KCNJ4: variants seen among roughly 807,000 people sequenced by gnomAD.
KCNJ4 encodes the protein inward rectifier potassium channel 4.
KCNJ4 carries 3 observed loss-of-function variants against 25.6 expected under a neutral mutation model. The observed-to-expected ratio is 0.12, with a 90% CI of 0.05 to 0.30. The LOEUF (loss-of-function observed/expected upper bound fraction) is 0.30. Ranked by LOEUF, KCNJ4 falls within the 10% of genes least tolerant of loss-of-function variation. KCNJ4 has a pLI of 1.00. For synonymous variants in KCNJ4, 257 were observed against 283.9 expected, an observed-to-expected ratio of 0.91 and a Z score of 0.95; for missense variants, 286 against 666.8, an observed-to-expected ratio of 0.43 and a Z score of 6.29.
In KCNJ4 at chr22:38,441,292, C is replaced by T. The variant is rs577366607; in HGVS notation, c.-39-13121G>A. Among the ~76,000 whole-genome samples the T allele has an allele frequency of 3.3e-5, 5 of 152,258 alleles. No individual in the cohort carries two copies. The East Asian group carries it at 9.6e-4, about 29-fold the overall frequency. ...CCAGCCAGAAAGGGGGAAATCTCCT[C>T]ATGGGCTGGGCAGAAAGGGAGGTGC... On this transcript the variant is annotated intron_variant, in intron 1 of 1. Coordinates refer to ENST00000303592, the MANE Select transcript of KCNJ4 (RefSeq NM_152868.3).
intron 1 of KCNJ4, among the ~76,000 whole-genome samples, chr22:38,451,949 A>G (rs754036811): frequency 2.6e-5 from 4 of 152,188 alleles, no homozygotes; most frequent in Non-Finnish European, 4.4e-5. Flanking sequence ...ACCCCTGCCC[A>G]GCATGCTGGA....
At position 38,427,578 on chromosome 22, in the gene KCNJ4, C is replaced by T. The variant is rs2093036687; in HGVS notation, c.555G>A (p.Leu185=). Residue 185 remains leucine, a synonymous_variant, in exon 2 of 2, where the codon TTG becomes TTA. Coordinates refer to ENST00000303592, the MANE Select transcript of KCNJ4 (RefSeq NM_152868.3). The part of the protein sequence containing the change: ...MARPKKRAQT[L]LFSHHAVISV... ...AAATGACCGCGTGGTGGCTGAACAGCAACGTCTGCGCCCGCTTCTTGGGCC... is the reference window on the plus strand; with the variant it reads ...AAATGACCGCGTGGTGGCTGAACAGTAACGTCTGCGCCCGCTTCTTGGGCC... 1 of 1,611,636 alleles carries T rather than the reference C, an allele frequency of 6.2e-7. No homozygotes were observed. Among genetic ancestry groups the T allele is most frequent in the South Asian group, 1.1e-5 (1 of 91,058 alleles).
chr22:38,432,652 A>G (rs2093053729), intron 1 of KCNJ4, among the ~76,000 whole-genome samples: 1 of 152,186 alleles, frequency 6.6e-6, no homozygotes, highest in African/African-American at 2.4e-5. Context: ...GCAGGCCACT[A>G]GCCCATGGCA....
intron 1 of KCNJ4, among the ~76,000 whole-genome samples, chr22:38,439,949 G>C (rs1347128380): frequency 6.6e-6 from 1 of 150,492 alleles, no homozygotes; most frequent in African/African-American, 2.4e-5. Context: ...AAATTAGCCG[G>C]GCATGGTGGC....
Position 38,427,390 on chromosome 22 carries a change from A to ATAGAACG in KCNJ4, c.742_743insCGTTCTA (p.Ile248ThrfsTer40). 1 of 1,613,954 alleles carries ATAGAACG rather than the reference A, an allele frequency of 6.2e-7. No homozygotes were observed. Among genetic ancestry groups the ATAGAACG allele is most frequent in the Non-Finnish European group, 8.5e-7 (1 of 1,180,004 alleles). On this transcript the variant is annotated frameshift_variant, in exon 2 of 2. Coordinates refer to ENST00000303592, the MANE Select transcript of KCNJ4 (RefSeq NM_152868.3). LOFTEE classifies it high-confidence loss of function. The stretch of plus-strand genomic sequence containing the variant: ...CACCAGGAAGATGCGGTCCAGGCCG[A>ATAGAACG]TGTCATAGCCCACGTTGAGGTCCCG...
rs753824619 is a variant in KCNJ4, at chr22:38,449,759, C to A, written c.-40+5221G>T. On this transcript the variant is annotated intron_variant, in intron 1 of 1. Transcript: ENST00000303592. The surrounding 1 kb of genome is among the most constrained non-coding windows in gnomAD (Gnocchi z 5.2). ...CAGCCAGCCACTTCCCCTTGCTGAG[C>A]CTCAGTTTCCCCTTCTGTAAATGAG... is the stretch of plus-strand genomic sequence containing the variant. Among the ~76,000 whole-genome samples the A allele has an allele frequency of 8.5e-5, 13 of 152,258 alleles. No homozygotes were observed. Among genetic ancestry groups the A allele is most frequent in the Admixed American group, 2.6e-4 (4 of 15,290 alleles).
rs146311552 is a variant in KCNJ4, at chr22:38,439,646, A to G, written c.-39-11475T>C. Reference sequence around the variant, plus strand: ...AAAAATTAGCCGGGTGTGGTGGTGGACACCTGTAGTCCCAGCTACTCGGGA... The same window carrying G: ...AAAAATTAGCCGGGTGTGGTGGTGGGCACCTGTAGTCCCAGCTACTCGGGA... On this transcript the variant is annotated intron_variant, in intron 1 of 1. Coordinates refer to ENST00000303592, the MANE Select transcript of KCNJ4 (RefSeq NM_152868.3). 7.7e-3 allele frequency among the ~76,000 whole-genome samples: 1,130 copies of G among 147,158 alleles called. 14 individuals carry two copies. The highest frequency in any genetic ancestry group is 0.027 in the African/African-American group (1,086 of 39,680).
At position 38,427,071 on chromosome 22, in the gene KCNJ4, C is replaced by T. The variant is rs113214303; in HGVS notation, c.1062G>A (p.Gln354=). 31 of 1,612,644 alleles carry T rather than the reference C, an allele frequency of 1.9e-5. 1 individual carries two copies. In the Admixed American group the frequency reaches 5.2e-4, roughly 27 times the overall value. Residue 354 remains glutamine, a synonymous_variant, in exon 2 of 2, where the codon CAG becomes CAA. Transcript: ENST00000303592. ...CGGGCAGCACGGTGATCTTACTCTCCTGCAGCTCCCGGGCCGAGCAGCAGG... is the reference window on the plus strand; with the variant it reads ...CGGGCAGCACGGTGATCTTACTCTCTTGCAGCTCCCGGGCCGAGCAGCAGG... The part of the protein sequence containing the change: ...GTPCCSAREL[Q]ESKITVLPAP...
intron 1 of KCNJ4, among the ~76,000 whole-genome samples, chr22:38,437,149 C>T (rs2093067748): frequency 6.6e-6 from 1 of 152,178 alleles, no homozygotes; most frequent in Non-Finnish European, 1.5e-5. Flanking sequence ...TACTCTGCAC[C>T]CCACCGGGCC....
In KCNJ4 at chr22:38,428,101, T is replaced by C; in HGVS notation, c.32A>G (p.His11Arg). MHGHSRNGQA[H>R]VPRRKRRNRF... ...GTTGCGGCGCTTCCGCCGGGGCACG[T>C]GGGCCTGGCCGTTGCGGCTGTGTCC... The change falls in exon 2 of 2, where the codon CAC (histidine) becomes CGC (arginine). Residue 11 changes from histidine (H) to arginine (R), a missense_variant. His to Arg is a conservative substitution (Grantham distance 29). Around this residue, in one of 11 missense-constraint regions of KCNJ4, gnomAD observed 32 missense variants for 38.4 expected, o/e 0.83. Coordinates refer to ENST00000303592, the MANE Select transcript of KCNJ4 (RefSeq NM_152868.3). 6.2e-7 allele frequency: 1 copy of C among 1,613,364 alleles called. No homozygotes were observed.
intron 1 of KCNJ4, among the ~76,000 whole-genome samples, chr22:38,448,059 C>CAA (rs11422111): frequency 0.13 from 13,424 of 104,096 alleles, 1,501 homozygotes; most frequent in African/African-American, 0.32. Context: ...GTGAGACTCT[C>CAA]AAAAAAAAAA....
At chr22:38,444,262 C>T (rs1032184180) in intron 1 of KCNJ4, among the ~76,000 whole-genome samples, 1 of 152,192 alleles carries the variant, frequency 6.6e-6, no homozygotes, top group East Asian at 1.9e-4. Flanking sequence ...AAATATCTAA[C>T]GACTGACAAA....
intron 1 of KCNJ4, among the ~76,000 whole-genome samples, chr22:38,434,630 A>C (rs2093060272): frequency 6.6e-6 from 1 of 151,684 alleles, no homozygotes; most frequent in South Asian, 2.1e-4. Flanking sequence ...CTGCCACATC[A>C]CCCTGCTCAA....
At chr22:38,442,271 G>A (rs1193336566) in intron 1 of KCNJ4, among the ~76,000 whole-genome samples, 5 of 152,122 alleles carry the variant, frequency 3.3e-5, no homozygotes, top group Non-Finnish European at 5.9e-5. Flanking sequence ...TTGTGTGGCC[G>A]GGCGCGGTGG....
In KCNJ4 at chr22:38,449,103, C is replaced by T. The variant is rs2089395336; in HGVS notation, c.-40+5877G>A. Reference sequence around the variant, plus strand: ...TCCCCTGCCTGCCAAGGCCAGACGTCCCAGCTGTTGGCACCAGGGCTGGTC... The same window carrying T: ...TCCCCTGCCTGCCAAGGCCAGACGTTCCAGCTGTTGGCACCAGGGCTGGTC... On this transcript the variant is annotated intron_variant, in intron 1 of 1. Transcript: ENST00000303592. This position sits in a 1 kb window ranked among gnomAD's most constrained non-coding sequence, Gnocchi z 5.2. Among the ~76,000 whole-genome samples, 1 of 152,204 alleles carries T rather than the reference C, an allele frequency of 6.6e-6. No individual in the cohort carries two copies. The highest frequency in any genetic ancestry group is 2.4e-5 in the African/African-American group (1 of 41,454).
intron 1 of KCNJ4, among the ~76,000 whole-genome samples, chr22:38,429,273 G>C (rs2093042286): frequency 6.6e-6 from 1 of 152,136 alleles, no homozygotes; most frequent in Admixed American, 6.5e-5. Context: ...CAGTCAGGGT[G>C]GAGGAAGGGG....
chr22:38,430,480 G>A (rs972568525), intron 1 of KCNJ4, among the ~76,000 whole-genome samples: 8 of 152,160 alleles, frequency 5.3e-5, no homozygotes, highest in Admixed American at 3.9e-4. Context: ...TCCAGCCTGG[G>A]CAACAAAGTG....
intron 1 of KCNJ4, among the ~76,000 whole-genome samples, chr22:38,437,421 C>T (rs549373300): frequency 5.3e-5 from 8 of 152,354 alleles, no homozygotes; most frequent in Non-Finnish European, 8.8e-5. Context: ...CAGTGGATCC[C>T]TGAAGCTTCT....
intron 1 of KCNJ4, among the ~76,000 whole-genome samples, chr22:38,442,307 G>A (rs2145943223): frequency 6.6e-6 from 1 of 152,278 alleles, no homozygotes; most frequent in South Asian, 2.1e-4. Flanking sequence ...CCAGCACTTT[G>A]GGAGGCCGAG....
Sources: gnomAD v4.1 joint callset for allele counts (sites outside exome capture counted in the v4.1 genomes callset) on GRCh38, gnomAD v4.1.1 for gene constraint, gnomAD v4.1.1 regional missense constraint, Gnocchi (gnomAD v3.1) non-coding constraint, MANE v1.5 for transcripts, NCBI Gene and HGNC (gene_info 2026-07-23, HGNC 2026-07-21) for gene names.